The following C8B variants were observed in gnomAD, a reference collection of about 807,000 sequenced individuals.
C8B encodes the protein complement C8 beta chain.
In C8B, 67 loss-of-function variants were observed where a neutral mutation model predicts 64.6. The ratio of observed to expected loss-of-function variants is 1.04; its 90% CI spans 0.85 to 1.27. The LOEUF is 1.27. C8B is among the 50% of genes most tolerant of loss of function. The pLI, the probability that C8B is intolerant of heterozygous loss-of-function variation, is 0.00. For missense variants in C8B, 790 were observed against 725.2 expected (o/e 1.09, Z -1.03); for synonymous variants, 284 against 257.7 (o/e 1.10, Z -0.98).
rs1446972094 is a variant in C8B at position 56,960,042 on chromosome 1, CAT to C, written c.225_226del (p.Cys76Ter). ...TACCCTTTTCTTCTGACAGGGGTCA[CAT>C]GTGGTCCAAGAGGACCAACTAGACA... On this transcript the variant is annotated frameshift_variant, in exon 2 of 12. Transcript: ENST00000371237. LOFTEE classifies it high-confidence loss of function. 1.9e-6 allele frequency: 3 copies of C among 1,614,134 alleles called. No individual in the cohort carries two copies. Among genetic ancestry groups the C allele is most frequent in the Non-Finnish European group, 2.5e-6 (3 of 1,179,998 alleles).
intron 1 of C8B, among the ~76,000 whole-genome samples, chr1:56,964,300 C>T (rs1332402191): frequency 2.6e-5 from 4 of 152,158 alleles, no homozygotes; most frequent in African/African-American, 9.7e-5. Context: ...TCTTCAATGG[C>T]TTCCCAATGC....
intron 7 of C8B, among the ~76,000 whole-genome samples, 178 bp from the exon 8 acceptor site, chr1:56,944,002 C>A (rs1157146401): frequency 6.6e-6 from 1 of 152,130 alleles, no homozygotes; most frequent in South Asian, 2.1e-4. Context: ...GGGCAGAGAC[C>A]TCGTAGAGCT....
At chr1:56,963,300 G>A (rs1171356418) in intron 1 of C8B, among the ~76,000 whole-genome samples, 1 of 152,070 alleles carries the variant, frequency 6.6e-6, no homozygotes, top group Non-Finnish European at 1.5e-5. Flanking sequence ...ATATAGATGG[G>A]GTGCGTCAAT....
intron 11 of C8B, chr1:56,931,519 C>A: frequency 2.6e-6 from 1 of 379,316 alleles, no homozygotes; most frequent in Non-Finnish European, 5.1e-6. Context: ...GTATACTAAG[C>A]AGGAAAAGAG....
chr1:56,954,957 CTGT>C, intron 3 of C8B, 130 bp from the exon 4 acceptor site: 2 of 1,036,140 alleles, frequency 1.9e-6, no homozygotes, highest in Non-Finnish European at 1.5e-6. Flanking sequence ...ATTAGTCATC[CTGT>C]ATCCAGATAG....
At position 56,952,043 on chromosome 1, in the gene C8B, C is replaced by A; in HGVS notation, c.666+5G>T. ...TCCCTCCACTGCTACCTGGCTGTCT[C>A]TTACCTGTGGCGTGTAGCTTTCCAC... On this transcript the variant is annotated splice_donor_5th_base_variant and intron_variant, in intron 5 of 11. Coordinates refer to ENST00000371237, the MANE Select transcript of C8B (RefSeq NM_000066.4). The A allele has an allele frequency of 6.2e-7, 1 of 1,613,892 alleles. No homozygotes were observed. Among genetic ancestry groups the A allele is most frequent in the Middle Eastern group, 1.7e-4 (1 of 5,860 alleles).
intron 1 of C8B, among the ~76,000 whole-genome samples, chr1:56,964,307 A>T (rs1246058585): frequency 6.6e-6 from 1 of 152,116 alleles, no homozygotes; most frequent in Non-Finnish European, 1.5e-5. Context: ...TGGCTTCCCA[A>T]TGCATTGTGG....
In C8B at chr1:56,942,501, G is replaced by A. The variant is rs150601390; in HGVS notation, c.1234+1195C>T. On this transcript the variant is annotated intron_variant, in intron 8 of 11. Transcript: ENST00000371237. ...TGGATCACTTGAGGTCAGGAGTTTG[G>A]GACCAGCCTGGCCAACAACATGGCG... Among the ~76,000 whole-genome samples the A allele has an allele frequency of 5.3e-3, 802 of 152,118 alleles. 9 individuals are homozygous for A. The highest frequency in any genetic ancestry group is 0.018 in the African/African-American group (765 of 41,506).
At chr1:56,931,325 C>T (rs967929690) in intron 11 of C8B, among the ~76,000 whole-genome samples, 1 of 152,170 alleles carries the variant, frequency 6.6e-6, no homozygotes, top group Non-Finnish European at 1.5e-5. Flanking sequence ...ATGGTCCCTA[C>T]TCACAGATGC....
intron 5 of C8B, among the ~76,000 whole-genome samples, chr1:56,950,552 G>C (rs562301749): frequency 8.7e-4 from 132 of 152,302 alleles, no homozygotes; most frequent in African/African-American, 3.1e-3. Context: ...ATCAGCTTCA[G>C]CTTCTGCCCA....
chr1:56,949,321 T>A (rs1205129100), intron 6 of C8B, among the ~76,000 whole-genome samples: 7 of 152,306 alleles, frequency 4.6e-5, no homozygotes, highest in Middle Eastern at 3.4e-3. Flanking sequence ...AGCCCCCTTT[T>A]TTCTGTCTCC....
chr1:56,954,419 C>T (rs1017061435), intron 4 of C8B, among the ~76,000 whole-genome samples: 3 of 152,258 alleles, frequency 2.0e-5, no homozygotes, highest in Non-Finnish European at 4.4e-5. Flanking sequence ...CCTTGCATAG[C>T]AGCCTGTGTG....
intron 8 of C8B, among the ~76,000 whole-genome samples, 181 bp from the exon 9 acceptor site, chr1:56,941,193 C>T (rs79920589): frequency 0.015 from 2,277 of 152,220 alleles, 40 homozygotes; most frequent in South Asian, 0.044. Flanking sequence ...GGGAAACTCA[C>T]CCAGCCATAG....
At chr1:56,943,565 A>C (rs1394669247) in intron 8 of C8B, 131 bp downstream of exon 8, 17 of 1,073,500 alleles carry the variant, frequency 1.6e-5, no homozygotes, top group Non-Finnish European at 2.4e-5. Context: ...ACTATAAAAA[A>C]CAGAAGGACA....
intron 6 of C8B, among the ~76,000 whole-genome samples, chr1:56,946,837 G>T (rs1307309914): frequency 3.3e-5 from 5 of 152,162 alleles, no homozygotes; most frequent in Admixed American, 1.3e-4. Context: ...GGTGGCAAAC[G>T]CCTGTGAGAT....
intron 9 of C8B, among the ~76,000 whole-genome samples, chr1:56,934,797 T>TGGGAGTTTGGAGAGAGAAAGAG (rs1644752975): frequency 6.6e-6 from 1 of 151,544 alleles, no homozygotes; most frequent in Non-Finnish European, 1.5e-5. Context: ...GGGGTGGGGG[T>TGGGAGTTTGGAGAGAGAAAGAG]GGGAGTTTGG....
At chr1:56,945,366 G>A (rs1446776249) in intron 7 of C8B, among the ~76,000 whole-genome samples, 1 of 152,204 alleles carries the variant, frequency 6.6e-6, no homozygotes, top group Non-Finnish European at 1.5e-5. Flanking sequence ...TGAGCCACTG[G>A]TTCGTTGGTG....
At chr1:56,945,048 A>G (rs1032049196) in intron 7 of C8B, among the ~76,000 whole-genome samples, 2 of 152,180 alleles carry the variant, frequency 1.3e-5, no homozygotes, top group African/African-American at 4.8e-5. Flanking sequence ...ATAATCTGAG[A>G]CCTTGCTATG....
At chr1:56,948,650 T>C (rs958063518) in intron 6 of C8B, among the ~76,000 whole-genome samples, 1 of 152,000 alleles carries the variant, frequency 6.6e-6, no homozygotes, top group Non-Finnish European at 1.5e-5. Context: ...GGAGAGTACA[T>C]TGAGAAGAGG....
Sources: gnomAD v4.1 joint callset for allele counts (sites outside exome capture counted in the v4.1 genomes callset) on GRCh38, gnomAD v4.1.1 for gene constraint, MANE v1.5 for transcripts, NCBI Gene and HGNC (gene_info 2026-07-23, HGNC 2026-07-21) for gene names.